The following SYCP2 variants were observed in gnomAD, a reference collection of about 807,000 sequenced individuals.
SYCP2 encodes the protein synaptonemal complex protein 2.
SYCP2 carries 55 observed loss-of-function variants against 211.3 expected under a neutral mutation model. That is an observed-to-expected ratio of 0.26 (90% CI 0.21 to 0.33). The LOEUF is 0.33. Ranked by LOEUF, SYCP2 falls within the 10% of genes least tolerant of loss-of-function variation. The pLI is 1.00. For synonymous variants in SYCP2, 570 were observed against 555.2 expected (o/e 1.03, Z -0.37); for missense variants, 1,731 against 1,752.0 (o/e 0.99, Z 0.21).
intron 3 of SYCP2, 63 bp from the exon 4 acceptor site, chr20:59,921,516 CTAG>C (rs1401923522): frequency 8.1e-6 from 10 of 1,234,906 alleles, no homozygotes; most frequent in Non-Finnish European, 1.1e-5. Flanking sequence ...CTTATGCAAT[CTAG>C]TAATTTGAGA....
Position 59,895,478 on chromosome 20 carries a change from T to C in SYCP2, c.1624A>G (p.Arg542Gly), listed in dbSNP as rs2059990820. ...RVDNAASLKS[R>G]SSEGRHRRDN... Reference sequence around the variant, plus strand: ...CTTCTATGTCTTCCTTCTGATGATCTAGATTTCAGTGATGCAGCATTATCC... The same window carrying C: ...CTTCTATGTCTTCCTTCTGATGATCCAGATTTCAGTGATGCAGCATTATCC... Residue 542 changes from arginine to glycine, a missense_variant, in exon 20 of 45, where the codon AGA (arginine) becomes GGA (glycine). By Grantham distance (125) the Arg-to-Gly change is moderately radical. Transcript: ENST00000357552. 2.5e-6 allele frequency: 4 copies of C among 1,612,624 alleles called. No homozygotes were observed. The South Asian group carries it at 4.4e-5, about 18-fold the overall frequency.
chr20:59,882,180 A>AT lies in SYCP2; in HGVS notation c.2530-16dup. 6.3e-7 allele frequency: 1 copy of AT among 1,592,432 alleles called. No individual in the cohort carries two copies. The highest frequency in any genetic ancestry group is 8.6e-7 in the Non-Finnish European group (1 of 1,163,100). On this transcript the variant is annotated splice_polypyrimidine_tract_variant and intron_variant, in intron 26 of 44. Coordinates refer to ENST00000357552, the MANE Select transcript of SYCP2 (RefSeq NM_014258.4). ...TGAACTTTTTCCTGAAAAGAGGGTT[A>AT]TAAAAAAATCATTAAATGGCTAACA...
chr20:59,893,548 C>G lies in SYCP2; in HGVS notation c.1711G>C (p.Val571Leu). 1 of 1,608,488 alleles carries G rather than the reference C, an allele frequency of 6.2e-7. No individual in the cohort carries two copies. The highest frequency in any genetic ancestry group is 8.5e-7 in the Non-Finnish European group (1 of 1,176,670). The change falls in exon 21 of 45, where the codon GTT becomes CTT. Residue 571 changes from valine to leucine, a missense_variant. Physicochemically the swap from Val to Leu is conservative, Grantham distance 32 (BLOSUM62 1). Coordinates refer to ENST00000357552, the MANE Select transcript of SYCP2 (RefSeq NM_014258.4). ...KCVENTENKN[V>L]EFPNQNFSEL... ...CTAAAATTTTGGTTTGGGAATTCAA[C>G]ATTCTTATTTTCTGTGTTTTCTACA... is the stretch of plus-strand genomic sequence containing the variant.
chr20:59,893,030 G>T, intron 22 of SYCP2, 112 bp downstream of exon 22: 2 of 766,740 alleles, frequency 2.6e-6, no homozygotes, highest in Non-Finnish European at 4.1e-6. Context: ...ACACTTGAGA[G>T]ATGATTAATA....
At chr20:59,911,352 T>C (rs2060321972) in intron 14 of SYCP2, among the ~76,000 whole-genome samples, 2 of 152,216 alleles carry the variant, frequency 1.3e-5, no homozygotes, top group East Asian at 3.8e-4. Flanking sequence ...GAGAAGGTTT[T>C]ATGAATGATT....
At chr20:59,928,006 A>G (rs2060666024) in intron 2 of SYCP2, among the ~76,000 whole-genome samples, 1 of 152,160 alleles carries the variant, frequency 6.6e-6, no homozygotes, top group Non-Finnish European at 1.5e-5. Context: ...TAACTCAATT[A>G]CCTTGCAGTG....
At chr20:59,927,222 A>T (rs77475977) in intron 2 of SYCP2, among the ~76,000 whole-genome samples, 1 of 152,092 alleles carries the variant, frequency 6.6e-6, no homozygotes, top group South Asian at 2.1e-4. Flanking sequence ...TGGACACTTA[A>T]ATCTTTCAGT....
intron 18 of SYCP2, 87 bp from the exon 19 acceptor site, chr20:59,896,615 G>T: frequency 1.5e-6 from 1 of 667,858 alleles, no homozygotes; most frequent in East Asian, 2.7e-5. Flanking sequence ...ATTTTGCCTT[G>T]ATACATGCCA....
At chr20:59,865,229 A>T (rs1431384165) in intron 44 of SYCP2, among the ~76,000 whole-genome samples, 159 bp downstream of exon 44, 1 of 152,014 alleles carries the variant, frequency 6.6e-6, no homozygotes, top group African/African-American at 2.4e-5. Flanking sequence ...TTTCACTATA[A>T]ATATGCTCCC....
chr20:59,893,339 C>T, intron 21 of SYCP2, 140 bp from the exon 22 acceptor site: 1 of 755,214 alleles, frequency 1.3e-6, no homozygotes, highest in Non-Finnish European at 2.1e-6. Flanking sequence ...CTCTTAAACC[C>T]AAACTTCTGG....
chr20:59,875,953 G>T (rs6064855), intron 33 of SYCP2, among the ~76,000 whole-genome samples: 2,951 of 152,188 alleles, frequency 0.019, 42 homozygotes, highest in Middle Eastern at 0.041. Context: ...AAAAAGCTTG[G>T]AATGGCATTT....
At position 59,868,842 on chromosome 20, in the gene SYCP2, A is replaced by G; in HGVS notation, c.3825T>C (p.His1275=). ...AAGACTATGACTACAAACCTGATAC[A>G]TGAGTAGCATCACAGGGCATGTCAA... The part of the protein sequence containing the change: ...TWFDMPCDAT[H]VSGPTQHLSR... Residue 1275 remains histidine, a synonymous_variant, in exon 37 of 45, where the codon CAT becomes CAC. Transcript: ENST00000357552. 6.2e-7 allele frequency: 1 copy of G among 1,607,156 alleles called. No individual in the cohort carries two copies.
chr20:59,885,336 T>C (rs112941864), intron 26 of SYCP2, among the ~76,000 whole-genome samples: 11 of 152,068 alleles, frequency 7.2e-5, no homozygotes, highest in Admixed American at 5.2e-4. Flanking sequence ...AGAGAAATGC[T>C]AGAGGCAAAG....
intron 2 of SYCP2, among the ~76,000 whole-genome samples, chr20:59,924,481 T>C (rs1171805244): frequency 1.3e-5 from 2 of 151,964 alleles, no homozygotes; most frequent in African/African-American, 2.4e-5. Flanking sequence ...AAAAGGCAGA[T>C]TGTCCTCAAA....
chr20:59,932,551 G>C (rs1458749738), intron 1 of SYCP2, among the ~76,000 whole-genome samples: 1 of 152,180 alleles, frequency 6.6e-6, no homozygotes, highest in Non-Finnish European at 1.5e-5. Flanking sequence ...GGCGCGCCAA[G>C]TAGTCCCAGT....
Position 59,900,799 on chromosome 20 carries a change from C to A in SYCP2, c.1202G>T (p.Gly401Val). The A allele has an allele frequency of 6.2e-7, 1 of 1,611,686 alleles. No individual in the cohort carries two copies. The highest frequency in any genetic ancestry group is 8.5e-7 in the Non-Finnish European group (1 of 1,178,318). The change falls in exon 17 of 45, where the codon GGT becomes GTT. Residue 401 changes from glycine (G) to valine (V), a missense_variant. Gly to Val is a moderately radical substitution (Grantham distance 109). Coordinates refer to ENST00000357552, the MANE Select transcript of SYCP2 (RefSeq NM_014258.4). ...CAGCGACGTTTTGGCAACTGAAATACCTTGTTTTCTGATAGATTCCTAAAA... is the reference window on the plus strand; with the variant it reads ...CAGCGACGTTTTGGCAACTGAAATAACTTGTTTTCTGATAGATTCCTAAAA... ...TKHRESIRKQ[G>V]ISVAKTSLHI...
At chr20:59,913,315 TATG>T (rs1370041085) in intron 12 of SYCP2, among the ~76,000 whole-genome samples, 1 of 152,136 alleles carries the variant, frequency 6.6e-6, no homozygotes, top group Non-Finnish European at 1.5e-5. Flanking sequence ...GAGAGGAACT[TATG>T]ATTCAAATCA....
intron 35 of SYCP2, 131 bp downstream of exon 35, chr20:59,873,725 C>T (rs1247900241): frequency 2.4e-5 from 16 of 665,148 alleles, no homozygotes; most frequent in Admixed American, 9.7e-5. Context: ...ATGTCCCTCT[C>T]CCCCAAGACC....
intron 12 of SYCP2, 103 bp downstream of exon 12, chr20:59,913,872 G>C (rs2060380196): frequency 6.3e-6 from 5 of 793,614 alleles, no homozygotes; most frequent in Non-Finnish European, 5.8e-6. Flanking sequence ...ACATAGTGTA[G>C]AGAACAAGAA....
Sources: gnomAD v4.1 joint callset for allele counts (sites outside exome capture counted in the v4.1 genomes callset) on GRCh38, gnomAD v4.1.1 for gene constraint, MANE v1.5 for transcripts, NCBI Gene and HGNC (gene_info 2026-07-23, HGNC 2026-07-21) for gene names.